Variants in PLCB4 observed in about 807,000 individuals in gnomAD.
The protein encoded by PLCB4 is phospholipase C beta 4, also known as 1-phosphatidylinositol 4,5-bisphosphate phosphodiesterase beta-4.
In PLCB4, 77 loss-of-function variants were observed where a neutral mutation model predicts 178.8. That is an observed-to-expected ratio of 0.43 (90% CI 0.36 to 0.52). The LOEUF (loss-of-function observed/expected upper bound fraction) is 0.52. PLCB4 is among the 20% of genes least tolerant of loss of function. PLCB4 has a pLI of 0.00. For missense variants in PLCB4, 1,024 were observed against 1,453.4 expected (o/e 0.70, Z 4.80); for synonymous variants, 496 against 490.8 (o/e 1.01, Z -0.14).
At chr20:9,086,181 A>G (rs2090406499) in intron 1 of PLCB4, among the ~76,000 whole-genome samples, 1 of 152,162 alleles carries the variant, frequency 6.6e-6, no homozygotes, top group Non-Finnish European at 1.5e-5. Context: ...ATGATGAGAA[A>G]AAGTGATCAT....
At position 9,410,836 on chromosome 20, in the gene PLCB4, T is replaced by G. The variant is rs139675865; in HGVS notation, c.2000-201T>G. ...TAGCATGATCTTTATGAAAACACAT[T>G]TTATGTTTAATTTAAATGAAACATG... On this transcript the variant is annotated intron_variant, in intron 24 of 39. Coordinates refer to ENST00000378473, the MANE Select transcript of PLCB4 (RefSeq NM_001377142.1). Among the ~76,000 whole-genome samples the G allele has an allele frequency of 3.3e-4, 51 of 152,278 alleles. No homozygotes were observed. The East Asian group carries it at 9.7e-3, about 29-fold the overall frequency.
intron 4 of PLCB4, among the ~76,000 whole-genome samples, chr20:9,320,618 T>G (rs2094949216): frequency 6.6e-6 from 1 of 152,304 alleles, no homozygotes; most frequent in East Asian, 1.9e-4. Flanking sequence ...AAGCATTATT[T>G]CACTTAAGCC....
At chr20:9,255,639 T>G (rs2147510973) in intron 3 of PLCB4, among the ~76,000 whole-genome samples, 1 of 152,238 alleles carries the variant, frequency 6.6e-6, no homozygotes, top group East Asian at 1.9e-4. Flanking sequence ...GCCATAGATT[T>G]CACTCCATAA....
At position 9,372,421 on chromosome 20, in the gene PLCB4, G is replaced by A. The variant is rs1431954951; in HGVS notation, c.686+18G>A. ...AAAAAAATGTAAGTTCCACTTATGAGGAAGTGCCATATAAATATTATCACT... is the reference window on the plus strand; with the variant it reads ...AAAAAAATGTAAGTTCCACTTATGAAGAAGTGCCATATAAATATTATCACT... On this transcript the variant is annotated intron_variant, in intron 11 of 39. Transcript: ENST00000378473. 3 of 1,227,984 alleles carry A rather than the reference G, an allele frequency of 2.4e-6. No homozygotes were observed. Among genetic ancestry groups the A allele is most frequent in the South Asian group, 1.2e-5 (1 of 80,006 alleles). 76.1% of individuals were successfully genotyped at this position (1,227,984 alleles called of 1,614,324 possible).
At chr20:9,137,368 C>A (rs2092404491) in intron 2 of PLCB4, among the ~76,000 whole-genome samples, 1 of 152,050 alleles carries the variant, frequency 6.6e-6, no homozygotes, top group Non-Finnish European at 1.5e-5. Flanking sequence ...ATAAATCGTA[C>A]TCAAGCCCTA....
intron 28 of PLCB4, among the ~76,000 whole-genome samples, chr20:9,430,153 G>A (rs1201512811): frequency 6.6e-6 from 1 of 152,212 alleles, no homozygotes; most frequent in African/African-American, 2.4e-5. Flanking sequence ...ACAAATTCGT[G>A]TTGGGCCACA....
At chr20:9,194,929 CCTCT>C (rs1194071487) in intron 2 of PLCB4, among the ~76,000 whole-genome samples, 2 of 152,096 alleles carry the variant, frequency 1.3e-5, no homozygotes, top group African/African-American at 4.8e-5. Context: ...GTAGTTAGTG[CCTCT>C]CTTTTTGTGC....
At chr20:9,433,004 A>T (rs6039467) in intron 28 of PLCB4, among the ~76,000 whole-genome samples, 1 of 151,930 alleles carries the variant, frequency 6.6e-6, no homozygotes, top group East Asian at 1.9e-4. Flanking sequence ...ATTGTTGTGA[A>T]GAGAGATAGC....
chr20:9,435,684 G>T, intron 29 of PLCB4, 36 bp downstream of exon 29: 1 of 1,191,684 alleles, frequency 8.4e-7, no homozygotes, highest in Non-Finnish European at 1.2e-6. Flanking sequence ...TGGCCAAGTT[G>T]TGGGAGTTTG....
chr20:9,133,043 T>C (rs2092307864), intron 2 of PLCB4, among the ~76,000 whole-genome samples: 1 of 152,182 alleles, frequency 6.6e-6, no homozygotes. Context: ...AACACTGCTG[T>C]AGGGTAAGGC....
chr20:9,280,970 A>G (rs2094490392), intron 3 of PLCB4, among the ~76,000 whole-genome samples: 1 of 151,890 alleles, frequency 6.6e-6, no homozygotes, highest in South Asian at 2.1e-4. Context: ...AAAAAGAGGT[A>G]TACCACATTT....
chr20:9,384,415 A>G lies in PLCB4; in HGVS notation c.1064+4A>G. ...AGGTTCTCCTGGCTGGTTGCAGGTG[A>G]GGAACTCAAGATGGCAATTTGTTTT... On this transcript the variant is annotated splice_donor_region_variant and intron_variant, in intron 14 of 39. Coordinates refer to ENST00000378473, the MANE Select transcript of PLCB4 (RefSeq NM_001377142.1). The G allele has an allele frequency of 6.2e-7, 1 of 1,608,798 alleles. No individual in the cohort carries two copies. The highest frequency in any genetic ancestry group is 8.5e-7 in the Non-Finnish European group (1 of 1,175,110).
At chr20:9,243,457 G>A (rs2094089256) in intron 3 of PLCB4, among the ~76,000 whole-genome samples, 1 of 152,172 alleles carries the variant, frequency 6.6e-6, no homozygotes, top group South Asian at 2.1e-4. Context: ...AGATCCATTT[G>A]GGATTTCATG....
intron 7 of PLCB4, among the ~76,000 whole-genome samples, chr20:9,343,405 C>G (rs957207958): frequency 6.6e-5 from 10 of 152,124 alleles, no homozygotes; most frequent in Non-Finnish European, 1.5e-4. Flanking sequence ...CAAAGAGGGT[C>G]TCTGATAGTT....
chr20:9,156,804 G>A (rs1245930575), intron 2 of PLCB4, among the ~76,000 whole-genome samples: 1 of 112,850 alleles, frequency 8.9e-6, no homozygotes, highest in African/African-American at 3.7e-5. Flanking sequence ...TTTCCTTCAT[G>A]TTGGTTACAG....
intron 2 of PLCB4, among the ~76,000 whole-genome samples, chr20:9,150,338 T>C (rs1378660361): frequency 2.0e-5 from 3 of 152,166 alleles, no homozygotes; most frequent in Admixed American, 1.3e-4. Flanking sequence ...TTCTTCTCCA[T>C]AACCCAGTCC....
intron 32 of PLCB4, among the ~76,000 whole-genome samples, chr20:9,450,071 A>G (rs1014294957): frequency 6.6e-6 from 1 of 152,212 alleles, no homozygotes; most frequent in South Asian, 2.1e-4. Context: ...CTTAACTTGG[A>G]TAAGAAACGT....
chr20:9,157,806 TG>T (rs2092815988), intron 2 of PLCB4, among the ~76,000 whole-genome samples: 1 of 152,158 alleles, frequency 6.6e-6, no homozygotes, highest in Admixed American at 6.5e-5. Context: ...GGTGTGATGG[TG>T]CGTGGTCCTA....
At chr20:9,373,224 T>C in intron 12 of PLCB4, 120 bp downstream of exon 12, 1 of 562,500 alleles carries the variant, frequency 1.8e-6, no homozygotes, top group South Asian at 2.4e-5. Context: ...CCTGCTGATC[T>C]TTCCATTATG....
Sources: gnomAD v4.1 joint callset for allele counts (sites outside exome capture counted in the v4.1 genomes callset) on GRCh38, gnomAD v4.1.1 for gene constraint, MANE v1.5 for transcripts, NCBI Gene and HGNC (gene_info 2026-07-23, HGNC 2026-07-21) for gene names.